Variants in BAALC observed in about 807,000 individuals in gnomAD.
BAALC encodes BAALC binder of MAP3K1 and KLF4, also known as brain and acute leukemia cytoplasmic protein.
A neutral mutation model predicts 15.5 loss-of-function variants in BAALC; 9 were observed. The observed-to-expected ratio is 0.58, with a 90% confidence interval of 0.35 to 1.02. The LOEUF is 1.02. Among genes scored for constraint, BAALC ranks in the 50% least tolerant of loss-of-function variants. The probability of loss-of-function intolerance (pLI) is 0.02; values close to 1 mark genes in which losing one functional copy is unlikely to be tolerated. For missense variants in BAALC, 201 were observed against 192.4 expected, an observed-to-expected ratio of 1.04 and a Z score of -0.27; for synonymous variants, 80 against 74.6, an observed-to-expected ratio of 1.07 and a Z score of -0.37.
At chr8:103,145,142 T>C (rs1403418609) in intron 1 of BAALC, among the ~76,000 whole-genome samples, 1 of 152,234 alleles carries the variant, frequency 6.6e-6, no homozygotes, top group Non-Finnish European at 1.5e-5. Context: ...GATCTCTTGA[T>C]TCTACTCTGA....
At chr8:103,162,196 A>G (rs1401185468) in intron 1 of BAALC, among the ~76,000 whole-genome samples, 1 of 152,052 alleles carries the variant, frequency 6.6e-6, no homozygotes, top group East Asian at 1.9e-4. Flanking sequence ...TCCTGGGCTG[A>G]AGCAATTCTC....
intron 1 of BAALC, among the ~76,000 whole-genome samples, chr8:103,183,073 G>A (rs1586408609): frequency 2.6e-5 from 4 of 152,212 alleles, no homozygotes; most frequent in Admixed American, 2.6e-4. Flanking sequence ...ACTGGAAAAT[G>A]AGAGGATTTA....
intron 1 of BAALC, 129 bp from the exon 2 acceptor site, chr8:103,212,790 C>G: frequency 2.2e-6 from 2 of 906,494 alleles, no homozygotes; most frequent in Non-Finnish European, 3.2e-6. Flanking sequence ...AAGGGTAGCT[C>G]TGCATGGTGG....
At chr8:103,157,126 AC>A (rs1811112020) in intron 1 of BAALC, 2 of 30,288 alleles carry the variant, frequency 6.6e-5, no homozygotes, top group Non-Finnish European at 1.8e-4. Flanking sequence ...GTGTGTAGGT[AC>A]ACACACACAC....
At chr8:103,204,953 G>T (rs1227744954) in intron 1 of BAALC, among the ~76,000 whole-genome samples, 1 of 152,180 alleles carries the variant, frequency 6.6e-6, no homozygotes, top group Non-Finnish European at 1.5e-5. Flanking sequence ...ATTATTATCT[G>T]CCATGTGTTC....
At chr8:103,214,193 G>T (rs1812510596) in intron 2 of BAALC, among the ~76,000 whole-genome samples, 1 of 152,138 alleles carries the variant, frequency 6.6e-6, no homozygotes, top group Non-Finnish European at 1.5e-5. Flanking sequence ...GACTTCAAAA[G>T]GTCACCTCTT....
rs567391849 is a variant in BAALC, at chr8:103,197,345, G to A, written c.161-15574G>A. 8.1e-4 allele frequency among the ~76,000 whole-genome samples: 123 copies of A among 151,924 alleles called. 1 individual carries two copies. Among genetic ancestry groups the A allele is most frequent in the Non-Finnish European group, 1.4e-3 (95 of 67,966 alleles). ...GAGTTTCCTCTTCTTAAAAAAAAAAGAGGTGGCAGGGAGTGGGGATCATAA... is the reference window on the plus strand; with the variant it reads ...GAGTTTCCTCTTCTTAAAAAAAAAAAAGGTGGCAGGGAGTGGGGATCATAA... On this transcript the variant is annotated intron_variant, in intron 1 of 2. Transcript: ENST00000309982.
intron 1 of BAALC, among the ~76,000 whole-genome samples, chr8:103,169,763 T>C (rs1811435442): frequency 6.6e-6 from 1 of 152,230 alleles, no homozygotes; most frequent in South Asian, 2.1e-4. Context: ...AGTGATCCTC[T>C]GTCCAGAAAG....
chr8:103,213,031 G>C lies in BAALC; in HGVS notation c.273G>C (p.Gln91His), dbSNP rs1331793064. Reference protein sequence around the residue: ...TNCETQCPNPQSLSSGPLTQK... With the variant: ...TNCETQCPNPHSLSSGPLTQK... ...GTGAGACCCAGTGCCCAAATCCCCAGAGCCTCAGCTCAGGCCCTCTGACCC... is the reference window on the plus strand; with the variant it reads ...GTGAGACCCAGTGCCCAAATCCCCACAGCCTCAGCTCAGGCCCTCTGACCC... The change falls in exon 2 of 3, where the codon CAG (glutamine) becomes CAC (histidine). Residue 91 changes from glutamine to histidine, a missense_variant. Coordinates refer to ENST00000309982, the MANE Select transcript of BAALC (RefSeq NM_024812.3). 6.2e-7 allele frequency: 1 copy of C among 1,614,000 alleles called. No individual in the cohort carries two copies. Among genetic ancestry groups the C allele is most frequent in the Non-Finnish European group, 8.5e-7 (1 of 1,179,992 alleles).
chr8:103,150,255 G>T (rs1386472825), intron 1 of BAALC, among the ~76,000 whole-genome samples: 3 of 152,120 alleles, frequency 2.0e-5, no homozygotes, highest in Admixed American at 2.0e-4. Flanking sequence ...ACAACACGTG[G>T]GAATTGTGGG....
intron 1 of BAALC, among the ~76,000 whole-genome samples, chr8:103,158,193 G>A (rs1811141201): frequency 6.6e-6 from 1 of 152,102 alleles, no homozygotes; most frequent in South Asian, 2.1e-4. Flanking sequence ...GTCTTGTAGA[G>A]TTTCTAATTT....
At chr8:103,152,494 C>CA (rs1345904370) in intron 1 of BAALC, among the ~76,000 whole-genome samples, 1 of 152,206 alleles carries the variant, frequency 6.6e-6, no homozygotes, top group African/African-American at 2.4e-5. Context: ...TTCCTAACAC[C>CA]ACTGCCTGTC....
intron 2 of BAALC, among the ~76,000 whole-genome samples, chr8:103,216,480 A>T (rs1286198703): frequency 4.6e-5 from 7 of 152,082 alleles, no homozygotes; most frequent in Admixed American, 6.5e-5. Flanking sequence ...TTAATTAATT[A>T]ATTTATGTAT....
chr8:103,142,590 G>A (rs1810802904), intron 1 of BAALC, among the ~76,000 whole-genome samples: 2 of 152,084 alleles, frequency 1.3e-5, no homozygotes, highest in Admixed American at 1.3e-4. Flanking sequence ...AAATAAGGGT[G>A]AAAAGATCTA....
intron 1 of BAALC, among the ~76,000 whole-genome samples, chr8:103,177,852 A>G (rs183174331): frequency 1.3e-5 from 2 of 152,248 alleles, no homozygotes; most frequent in Non-Finnish European, 1.5e-5. Context: ...GCCATGCACT[A>G]TTCTAAGAGC....
intron 1 of BAALC, among the ~76,000 whole-genome samples, chr8:103,157,540 G>C (rs1811124365): frequency 6.6e-6 from 1 of 152,120 alleles, no homozygotes; most frequent in South Asian, 2.1e-4. Flanking sequence ...TGTCATGGTG[G>C]CTCACACCAG....
intron 1 of BAALC, among the ~76,000 whole-genome samples, chr8:103,181,341 C>T (rs560041852): frequency 6.6e-6 from 1 of 152,238 alleles, no homozygotes; most frequent in South Asian, 2.1e-4. Flanking sequence ...GGCGCAATCT[C>T]AGCTCACTGC....
In BAALC at chr8:103,200,617, T is replaced by C. The variant is rs567778943; in HGVS notation, c.161-12302T>C. On this transcript the variant is annotated intron_variant, in intron 1 of 2. Transcript: ENST00000309982. ...GTTCTGGCTTAGACTGAAATACCTA[T>C]ACTGGATAATTTATAAGTAACAGAA... 1.1e-3 allele frequency: 717 copies of C among 650,824 alleles called. 10 individuals carry two copies. In the South Asian group the frequency reaches 0.012, roughly 11 times the overall value. 40.3% of individuals were successfully genotyped at this position (650,824 alleles called of 1,614,324 possible). A position where few individuals can be genotyped will look rare whatever the true frequency, so the allele number is the denominator to read the frequency against.
In BAALC at chr8:103,229,631, G is replaced by A. The variant is rs990409679; in HGVS notation, c.*1532G>A. 1 of 152,160 alleles carries A rather than the reference G, an allele frequency of 6.6e-6. No individual in the cohort carries two copies. Among genetic ancestry groups the A allele is most frequent in the African/African-American group, 2.4e-5 (1 of 41,420 alleles). The allele number at this position is 152,160 out of a possible 1,614,324, so 9.4% of individuals were successfully genotyped here. On this transcript the variant is annotated 3_prime_UTR_variant, in exon 3 of 3. Transcript: ENST00000309982. ...AATCTAACAGTGACTTCATAACTAG[G>A]AGACTGAATTAGACCCTTAAGGTAT... is the stretch of plus-strand genomic sequence containing the variant.
Sources: allele counts gnomAD v4.1 joint callset (sites outside exome capture counted in the v4.1 genomes callset), GRCh38; gene constraint gnomAD v4.1.1; transcripts MANE v1.5; gene names NCBI Gene and HGNC (gene_info 2026-07-23, HGNC 2026-07-21).